The following DENND5A variants were observed in gnomAD, a reference collection of about 807,000 sequenced individuals.
DENND5A encodes the protein DENN domain containing 5A.
In DENND5A, 64 loss-of-function variants were observed where a neutral mutation model predicts 140.3. The ratio of observed to expected loss-of-function variants is 0.46; its 90% CI spans 0.37 to 0.56. The LOEUF (loss-of-function observed/expected upper bound fraction) is 0.56. Among genes scored for constraint, DENND5A ranks in the 20% least tolerant of loss-of-function variants. The pLI is 0.00. For synonymous variants in DENND5A, 605 were observed against 607.7 expected (o/e 1.00, Z 0.07); for missense variants, 1,292 against 1,593.8 (o/e 0.81, Z 3.22).
At chr11:9,158,549 A>AAAATT (rs986160494) in intron 12 of DENND5A, among the ~76,000 whole-genome samples, 3 of 152,126 alleles carry the variant, frequency 2.0e-5, no homozygotes, top group African/African-American at 4.8e-5. Context: ...TGCTGTCTCA[A>AAAATT]AAATTAAATT....
At chr11:9,163,584 A>G (rs1848065985) in intron 11 of DENND5A, among the ~76,000 whole-genome samples, 2 of 152,078 alleles carry the variant, frequency 1.3e-5, no homozygotes, top group South Asian at 4.1e-4. Context: ...CAGACAGATC[A>G]CTTGAGGTCA....
At chr11:9,202,928 C>T (rs1039553302) in intron 4 of DENND5A, among the ~76,000 whole-genome samples, 1 of 152,148 alleles carries the variant, frequency 6.6e-6, no homozygotes, top group Admixed American at 6.6e-5. Flanking sequence ...TTCTTTATAA[C>T]CCTTATTAAG....
intron 1 of DENND5A, among the ~76,000 whole-genome samples, chr11:9,262,686 A>T (rs868801051): frequency 7.2e-5 from 11 of 152,190 alleles, no homozygotes; most frequent in African/African-American, 2.7e-4. Flanking sequence ...TACTATAAGA[A>T]TTTGAAGACC....
chr11:9,204,165 A>C lies in DENND5A; in HGVS notation c.444T>G (p.Ser148Arg). 1 of 1,614,174 alleles carries C rather than the reference A, an allele frequency of 6.2e-7. No homozygotes were observed. The highest frequency in any genetic ancestry group is 8.5e-7 in the Non-Finnish European group (1 of 1,180,034). The change falls in exon 4 of 23, where the codon AGT becomes AGG. Residue 148 changes from serine (S) to arginine (R), a missense_variant. Around this residue, in one of 4 missense-constraint regions of DENND5A, gnomAD observed 566 missense variants for 650.4 expected, o/e 0.87. Transcript: ENST00000328194. ...YEEVTSKQICSAMQTLYHMHN... is the reference protein window; with the variant it reads ...YEEVTSKQICRAMQTLYHMHN... Reference sequence around the variant, plus strand: ...GCATGTGGTAGAGGGTCTGCATTGCACTGCAGATCTGCTTGCTAGTCACCT... The same window carrying C: ...GCATGTGGTAGAGGGTCTGCATTGCCCTGCAGATCTGCTTGCTAGTCACCT...
intron 4 of DENND5A, among the ~76,000 whole-genome samples, chr11:9,196,541 C>A (rs1479220111): frequency 6.6e-6 from 1 of 152,188 alleles, no homozygotes. Context: ...GCTGTACACT[C>A]TTCTAATGCT....
chr11:9,166,075 TTTTTTC>T, intron 10 of DENND5A, 108 bp from the exon 11 acceptor site: 1 of 1,121,106 alleles, frequency 8.9e-7, no homozygotes, highest in Non-Finnish European at 1.3e-6. Flanking sequence ...CATTTTCTTT[TTTTTTC>T]TTTTTCTTTT....
chr11:9,214,783 G>C (rs532388483), intron 1 of DENND5A, among the ~76,000 whole-genome samples: 9 of 152,334 alleles, frequency 5.9e-5, no homozygotes, highest in African/African-American at 2.2e-4. Context: ...GAGTGCAGTG[G>C]CACAATCTTG....
intron 4 of DENND5A, among the ~76,000 whole-genome samples, chr11:9,196,945 T>C (rs1004044632): frequency 6.6e-6 from 1 of 150,804 alleles, no homozygotes; most frequent in Non-Finnish European, 1.5e-5. Context: ...ACAGATTTCA[T>C]AGTGTATATG....
chr11:9,191,493 G>C (rs1315246069), intron 5 of DENND5A, among the ~76,000 whole-genome samples: 1 of 152,198 alleles, frequency 6.6e-6, no homozygotes, highest in Non-Finnish European at 1.5e-5. Context: ...GCCCGCCTCG[G>C]CCTCCCAAAG....
chr11:9,249,712 T>C (rs1851636735), intron 1 of DENND5A, among the ~76,000 whole-genome samples: 1 of 152,064 alleles, frequency 6.6e-6, no homozygotes, highest in Admixed American at 6.6e-5. Flanking sequence ...CATGCCTGGC[T>C]AATTTTTGTG....
intron 5 of DENND5A, among the ~76,000 whole-genome samples, chr11:9,189,831 C>A (rs149836653): frequency 6.6e-6 from 1 of 151,982 alleles, no homozygotes; most frequent in African/African-American, 2.4e-5. Context: ...GTAGAGATGG[C>A]GTATCTCCAC....
chr11:9,220,023 T>C (rs1850246261), intron 1 of DENND5A, among the ~76,000 whole-genome samples: 1 of 152,202 alleles, frequency 6.6e-6, no homozygotes, highest in Non-Finnish European at 1.5e-5. Flanking sequence ...CTTAATACCT[T>C]ACTCCTCAAA....
chr11:9,240,975 AT>A (rs1220307596), intron 1 of DENND5A, among the ~76,000 whole-genome samples: 1 of 152,184 alleles, frequency 6.6e-6, no homozygotes, highest in East Asian at 1.9e-4. Flanking sequence ...AAGTTCTTTC[AT>A]GTGAATAGTT....
At chr11:9,213,903 T>A (rs1849982844) in intron 1 of DENND5A, among the ~76,000 whole-genome samples, 1 of 151,230 alleles carries the variant, frequency 6.6e-6, no homozygotes, top group African/African-American at 2.4e-5. Context: ...ACTTACCATA[T>A]CAACAACAAT....
At chr11:9,140,498 C>T (rs568432388) in intron 22 of DENND5A, among the ~76,000 whole-genome samples, 8 of 152,084 alleles carry the variant, frequency 5.3e-5, no homozygotes, top group Non-Finnish European at 8.8e-5. Flanking sequence ...CAGGAATAGC[C>T]CCTAATAATC....
chr11:9,234,235 C>T (rs1189475656), intron 1 of DENND5A, among the ~76,000 whole-genome samples: 2 of 151,256 alleles, frequency 1.3e-5, no homozygotes, highest in Non-Finnish European at 2.9e-5. Flanking sequence ...TTTACTCACC[C>T]CAATTCTGTA....
intron 1 of DENND5A, among the ~76,000 whole-genome samples, chr11:9,213,240 A>T (rs555402725): frequency 6.6e-6 from 1 of 151,962 alleles, no homozygotes; most frequent in South Asian, 2.1e-4. Flanking sequence ...TCTTGACCGC[A>T]GGCAATCCAC....
At chr11:9,174,059 C>T (rs60602151) in intron 8 of DENND5A, among the ~76,000 whole-genome samples, 5,926 of 134,596 alleles carry the variant, frequency 0.044, 382 homozygotes, top group African/African-American at 0.15. Context: ...GCCTAGATCT[C>T]GCCACTGCAC....
chr11:9,230,149 T>C (rs1429487261), intron 1 of DENND5A, among the ~76,000 whole-genome samples: 4 of 150,192 alleles, frequency 2.7e-5, no homozygotes, highest in Non-Finnish European at 5.9e-5. Flanking sequence ...GACCTCGTGA[T>C]CCACCCGTGT....
Sources: gnomAD v4.1 joint callset for allele counts (sites outside exome capture counted in the v4.1 genomes callset) on GRCh38, gnomAD v4.1.1 for gene constraint, gnomAD v4.1.1 regional missense constraint, MANE v1.5 for transcripts, NCBI Gene and HGNC (gene_info 2026-07-23, HGNC 2026-07-21) for gene names.